The following PTCH2 variants were observed in gnomAD, a reference collection of about 807,000 sequenced individuals.
PTCH2 encodes protein patched homolog 2.
PTCH2 carries 96 observed loss-of-function variants against 117.9 expected under a neutral mutation model. That is an observed-to-expected ratio of 0.81 (90% CI 0.69 to 0.96). The LOEUF is 0.96. PTCH2 is among the 50% of genes least tolerant of loss of function. The pLI, the probability that PTCH2 is intolerant of heterozygous loss-of-function variation, is 0.00. For missense variants in PTCH2, 1,379 were observed against 1,562.5 expected, an observed-to-expected ratio of 0.88 and a Z score of 1.98; for synonymous variants, 615 against 660.9, an observed-to-expected ratio of 0.93 and a Z score of 1.06.
In PTCH2 at chr1:44,827,913, C is replaced by T. The variant is rs1653236281; in HGVS notation, c.1988G>A (p.Cys663Tyr). ...GAAATGGGCAAGATTCCAGCGGGCA[C>T]AGGGCAGGGACTTGCAGGCTGCCTT... ...RQKAACKSLP[C>Y]ARWNLAHFAR... is the part of the protein sequence containing the mutation. Residue 663 changes from cysteine (C) to tyrosine (Y), a missense_variant, in exon 14 of 22, where the codon TGT becomes TAT. Transcript: ENST00000372192. The T allele has an allele frequency of 1.9e-6, 3 of 1,614,210 alleles. No homozygotes were observed. The highest frequency in any genetic ancestry group is 1.3e-5 in the African/African-American group (1 of 75,064).
rs1350273459 is a variant in PTCH2 at position 44,828,971 on chromosome 1, C to T, written c.1464+11G>A. On this transcript the variant is annotated intron_variant, in intron 11 of 21. Transcript: ENST00000372192. ...GCTGCCTCAGATGAGCCCTGGGGGACAAGGCCCCACCTGGAGAGGGGTGCC... is the reference window on the plus strand; with the variant it reads ...GCTGCCTCAGATGAGCCCTGGGGGATAAGGCCCCACCTGGAGAGGGGTGCC... 15 of 1,552,298 alleles carry T rather than the reference C, an allele frequency of 9.7e-6. No individual in the cohort carries two copies.
chr1:44,835,508 G>A (rs1179139217), intron 2 of PTCH2, among the ~76,000 whole-genome samples: 2 of 152,130 alleles, frequency 1.3e-5, no homozygotes, highest in Non-Finnish European at 2.9e-5. Context: ...GATGGCACTC[G>A]TTGCTGGTTT....
Position 44,828,141 on chromosome 1 carries a change from C to T in PTCH2, c.1760G>A (p.Gly587Glu), listed in dbSNP as rs772982125. ...IQILPQELGD[G>E]TVPVGIAHLT... ...GTGGGCAATGCCCACTGGTACTGTC[C>T]CGTCCCCCAGCTCCTGGGGCAGGAT... The change falls in exon 14 of 22, where the codon GGG becomes GAG. Residue 587 changes from glycine (G) to glutamate (E), a missense_variant. By Grantham distance (98) the Gly-to-Glu change is moderately conservative. Coordinates refer to ENST00000372192, the MANE Select transcript of PTCH2 (RefSeq NM_003738.5). The T allele has an allele frequency of 9.7e-5, 156 of 1,613,956 alleles. 2 individuals carry two copies. In the South Asian group the frequency reaches 1.7e-3, roughly 17 times the overall value.
rs1653329601 is a variant in PTCH2 at position 44,829,495 on chromosome 1, C to A, written c.1122G>T (p.Gln374His). Residue 374 changes from glutamine to histidine, a missense_variant, in exon 9 of 22, where the codon CAG becomes CAT. Physicochemically the swap from Gln to His is conservative, Grantham distance 24. Transcript: ENST00000372192. ...QEALPENASQ[Q>H]IHAFSSTTLD... is the part of the protein sequence containing the mutation. The stretch of plus-strand genomic sequence containing the variant: ...GGGTGGTGGAGGAGAAGGCATGGAT[C>A]TGCTGGGAAGCGTTCTCAGGCAGGG... The A allele has an allele frequency of 6.2e-7, 1 of 1,614,244 alleles. No homozygotes were observed. The highest frequency in any genetic ancestry group is 2.2e-5 in the East Asian group (1 of 44,882).
At chr1:44,839,145 C>A (rs770068981) in intron 2 of PTCH2, among the ~76,000 whole-genome samples, 8 of 151,958 alleles carry the variant, frequency 5.3e-5, no homozygotes, top group African/African-American at 1.7e-4. Context: ...GAGGCCAAGG[C>A]GGGCGGATCA....
intron 6 of PTCH2, among the ~76,000 whole-genome samples, chr1:44,830,364 T>C (rs1386912640): frequency 6.6e-6 from 1 of 152,030 alleles, no homozygotes; most frequent in Non-Finnish European, 1.5e-5. Context: ...TTAGTTTCCC[T>C]GTATTAGTCT....
downstream of PTCH2, chr1:44,820,797 G>A (rs944044146): frequency 5.7e-6 from 4 of 703,426 alleles, no homozygotes; most frequent in Non-Finnish European, 8.0e-6. Context: ...GACCCCCTTT[G>A]CACTATTCTG....
In PTCH2 at chr1:44,828,376, C is replaced by T; in HGVS notation, c.1629G>A (p.Met543Ile). The T allele has an allele frequency of 1.2e-6, 2 of 1,614,182 alleles. No homozygotes were observed. Among genetic ancestry groups the T allele is most frequent in the Non-Finnish European group, 8.5e-7 (1 of 1,180,032 alleles). The change falls in exon 13 of 22, where the codon ATG becomes ATA. Residue 543 changes from methionine (M) to isoleucine (I), a missense_variant. Transcript: ENST00000372192. ...IVVGCTFVAV[M>I]LVFPAILSLD... ...GGCTGAGGATGGCTGGGAAGACAAG[C>T]ATCACGGCTACAAAGGTGCAGCCAA...
chr1:44,839,375 A>C (rs1346131299), intron 2 of PTCH2, among the ~76,000 whole-genome samples: 1 of 149,778 alleles, frequency 6.7e-6, no homozygotes, highest in Non-Finnish European at 1.5e-5. Flanking sequence ...AAAAAAAAAA[A>C]AAAAAAAACA....
Position 44,823,457 on chromosome 1 carries a change from A to G in PTCH2, c.3115-72T>C. 3.1e-6 allele frequency: 5 copies of G among 1,605,274 alleles called. No individual in the cohort carries two copies. Among genetic ancestry groups the G allele is most frequent in the Non-Finnish European group, 4.3e-6 (5 of 1,173,676 alleles). On this transcript the variant is annotated intron_variant, in intron 19 of 21. Transcript: ENST00000372192. This position sits in a 1 kb window ranked among gnomAD's most constrained non-coding sequence, Gnocchi z 5.1. ...CCAGCTCAGCCATGTCCCGAGCTGT[A>G]TCTGTCTTCAGAGCTCAACGATACC...
intron 2 of PTCH2, among the ~76,000 whole-genome samples, chr1:44,839,436 G>A (rs139535871): frequency 9.9e-4 from 149 of 149,980 alleles, no homozygotes; most frequent in Non-Finnish European, 1.7e-3. Context: ...TAGGACAAGA[G>A]TGATATTCTG....
Position 44,826,725 on chromosome 1 carries a change from C to G in PTCH2, c.2739G>C (p.Leu913=). 9 of 1,595,446 alleles carry G rather than the reference C, an allele frequency of 5.6e-6. No homozygotes were observed. Among genetic ancestry groups the G allele is most frequent in the Non-Finnish European group, 7.7e-6 (9 of 1,168,768 alleles). The change falls in exon 18 of 22, where the codon CTG becomes CTC. Residue 913 remains leucine (L), a synonymous_variant. Coordinates refer to ENST00000372192, the MANE Select transcript of PTCH2 (RefSeq NM_003738.5). This position sits in a 1 kb window ranked among gnomAD's most constrained non-coding sequence, Gnocchi z 5.1. ...QPLEFAQFPF[L]LRGLQKTADF... ...CTGCAGTCTTCTGGAGGCCACGCAG[C>G]AGGAAGGGGAACTGGGCAAACTCCA... is the stretch of plus-strand genomic sequence containing the variant.
At chr1:44,825,519 T>A (rs1653105179) in intron 19 of PTCH2, among the ~76,000 whole-genome samples, 1 of 152,142 alleles carries the variant, frequency 6.6e-6, no homozygotes, top group African/African-American at 2.4e-5. Context: ...TATTCTTTTT[T>A]ATTTTTATTT....
Position 44,822,544 on chromosome 1 carries a change from G to C in PTCH2, c.3483C>G (p.Thr1161=), listed in dbSNP as rs750066989. 14 of 1,613,984 alleles carry C rather than the reference G, an allele frequency of 8.7e-6. No homozygotes were observed. In the African/African-American group the frequency reaches 1.5e-4, roughly 17 times the overall value. ...GCAGGGGGGGTGGGTGGATGGCCACGGTCATGGAGGTAGTCACTCTGGCAA... is the reference window on the plus strand; with the variant it reads ...GCAGGGGGGGTGGGTGGATGGCCACCGTCATGGAGGTAGTCACTCTGGCAA... ...QSFARVTTSM[T]VAIHPPPLPG... is the part of the protein sequence containing the mutation. The change falls in exon 22 of 22, where the codon ACC becomes ACG. Residue 1161 remains threonine (T), a synonymous_variant. Transcript: ENST00000372192.
At position 44,832,033 on chromosome 1, in the gene PTCH2, A is replaced by T; in HGVS notation, c.467T>A (p.Leu156Ter). ...TCCTGACTTGTAGCAGATTTTGTTC[A>T]AATCCCAGGACCTGCAATAGCCAGG... ...QVSLYGKSWDLNKICYKSGVP... is the reference protein window; with the variant it reads ...QVSLYGKSWD Residue 156 changes from leucine (L) to a stop codon, truncating the protein, a stop_gained, in exon 4 of 22, where the codon TTG (leucine) becomes TAG (stop). Coordinates refer to ENST00000372192, the MANE Select transcript of PTCH2 (RefSeq NM_003738.5). LOFTEE classifies it high-confidence loss of function. The T allele has an allele frequency of 6.2e-7, 1 of 1,613,714 alleles. No homozygotes were observed. The highest frequency in any genetic ancestry group is 8.5e-7 in the Non-Finnish European group (1 of 1,179,650).
At position 44,827,185 on chromosome 1, in the gene PTCH2, C is replaced by G; in HGVS notation, c.2496G>C (p.Glu832Asp). The G allele has an allele frequency of 6.2e-7, 1 of 1,614,060 alleles. No individual in the cohort carries two copies. Among genetic ancestry groups the G allele is most frequent in the Non-Finnish European group, 8.5e-7 (1 of 1,180,010 alleles). The change falls in exon 16 of 22, where the codon GAG (glutamate) becomes GAC (aspartate). Residue 832 changes from glutamate to aspartate, a missense_variant. Coordinates refer to ENST00000372192, the MANE Select transcript of PTCH2 (RefSeq NM_003738.5). ...KLLIQTGDAQ[E>D]PLDFSQLTTR... is the part of the protein sequence containing the mutation. Reference sequence around the variant, plus strand: ...TCCCAACCTGGCTGAAATCCAGAGGCTCCTGGGCGTCTCCAGTCTGGATGA... The same window carrying G: ...TCCCAACCTGGCTGAAATCCAGAGGGTCCTGGGCGTCTCCAGTCTGGATGA...
At chr1:44,839,038 T>A (rs975157486) in intron 2 of PTCH2, among the ~76,000 whole-genome samples, 1 of 150,090 alleles carries the variant, frequency 6.7e-6, no homozygotes, top group Non-Finnish European at 1.5e-5. Flanking sequence ...CTTCTTACAC[T>A]TTTTCTTTGA....
intron 2 of PTCH2, among the ~76,000 whole-genome samples, chr1:44,833,626 G>A (rs920278482): frequency 1.3e-4 from 20 of 151,792 alleles, no homozygotes; most frequent in Non-Finnish European, 2.5e-4. Context: ...TTGTAGAGAC[G>A]AGGTCTCATC....
At position 44,841,964 on chromosome 1, in the gene PTCH2, C is replaced by T. The variant is rs1050285039; in HGVS notation, c.148G>A (p.Gly50Arg). ...FQGLLFSLGC[G>R]IQRHCGKVLF... is the part of the protein sequence containing the mutation. Reference sequence around the variant, plus strand: ...ACTTTGCCACAATGTCTCTGGATCCCGCATCCCAGAGAGAAGAGCAGGCCC... The same window carrying T: ...ACTTTGCCACAATGTCTCTGGATCCTGCATCCCAGAGAGAAGAGCAGGCCC... The change falls in exon 2 of 22, where the codon GGG becomes AGG. Residue 50 changes from glycine to arginine, a missense_variant. Gly to Arg is a moderately radical substitution (Grantham distance 125, BLOSUM62 -2). Coordinates refer to ENST00000372192, the MANE Select transcript of PTCH2 (RefSeq NM_003738.5). 12 of 1,614,054 alleles carry T rather than the reference C, an allele frequency of 7.4e-6. No individual in the cohort carries two copies. The highest frequency in any genetic ancestry group is 3.3e-5 in the Admixed American group (2 of 60,002).
Sources: gnomAD v4.1 joint callset for allele counts (sites outside exome capture counted in the v4.1 genomes callset) on GRCh38, gnomAD v4.1.1 for gene constraint, Gnocchi (gnomAD v3.1) non-coding constraint, MANE v1.5 for transcripts, NCBI Gene and HGNC (gene_info 2026-07-23, HGNC 2026-07-21) for gene names.